PCDHA11: variants seen among roughly 807,000 people sequenced by gnomAD.
PCDHA11 encodes protocadherin alpha 11, also known as protocadherin alpha-11.
Under a neutral mutation model 70.3 loss-of-function variants are expected in PCDHA11, and 61 were observed. That is an observed-to-expected ratio of 0.87 (90% CI 0.71 to 1.07). PCDHA11 has a LOEUF of 1.07. PCDHA11 is among the 50% of genes least tolerant of loss of function. The pLI is 0.00. For missense variants in PCDHA11, 1,324 were observed against 1,237.5 expected (o/e 1.07, Z -1.05); for synonymous variants, 633 against 555.1 (o/e 1.14, Z -1.97).
intron 1 of PCDHA11, among the ~76,000 whole-genome samples, chr5:140,878,873 T>A (rs1267188729): frequency 1.3e-5 from 2 of 152,248 alleles, no homozygotes; most frequent in African/African-American, 2.4e-5. Flanking sequence ...CATTTCAGCC[T>A]TTCAAGTAGC....
intron 1 of PCDHA11, chr5:140,882,426 G>A (rs148335988): frequency 6.1e-5 from 99 of 1,613,954 alleles, no homozygotes; most frequent in Non-Finnish European, 7.9e-5. Context: ...CAGGACCTGG[G>A]GCTGGAGCTG....
chr5:140,882,572 T>C, intron 1 of PCDHA11: 1 of 1,614,106 alleles, frequency 6.2e-7, no homozygotes, highest in Non-Finnish European at 8.5e-7. Flanking sequence ...GAGCGCGGAG[T>C]GCAGCATCCA....
At chr5:140,883,237 T>C in intron 1 of PCDHA11, 2 of 1,614,044 alleles carry the variant, frequency 1.2e-6, no homozygotes, top group Non-Finnish European at 1.7e-6. Context: ...TGGAGGCAGT[T>C]GACAAAGGAA....
intron 1 of PCDHA11, chr5:140,875,581 G>A (rs1158750138): frequency 6.8e-6 from 11 of 1,613,944 alleles, no homozygotes; most frequent in African/African-American, 4.0e-5. Context: ...CTCCGTCTAC[G>A]AGGAGGCCAA....
At chr5:140,954,476 G>C (rs1467215585) in intron 1 of PCDHA11, among the ~76,000 whole-genome samples, 1 of 152,192 alleles carries the variant, frequency 6.6e-6, no homozygotes, top group Non-Finnish European at 1.5e-5. Context: ...ACTGGTGTGA[G>C]AAGATATTTC....
At chr5:140,980,704 G>T (rs2153822525) in intron 2 of PCDHA11, among the ~76,000 whole-genome samples, 1 of 151,890 alleles carries the variant, frequency 6.6e-6, no homozygotes, top group East Asian at 1.9e-4. Context: ...AGCCAAATGT[G>T]CTCCTATTCG....
At chr5:141,007,716 G>A (rs887681362) in intron 3 of PCDHA11, among the ~76,000 whole-genome samples, 4 of 152,246 alleles carry the variant, frequency 2.6e-5, no homozygotes, top group African/African-American at 4.8e-5. Context: ...CCCACCACCA[G>A]GGAGAACAAA....
chr5:141,003,240 C>T (rs1563674729), intron 3 of PCDHA11, among the ~76,000 whole-genome samples: 2 of 152,150 alleles, frequency 1.3e-5, no homozygotes, highest in South Asian at 4.1e-4. Context: ...GAAATTTTGC[C>T]AAAAAGATTC....
chr5:140,892,595 AT>A (rs1385818954), intron 1 of PCDHA11, among the ~76,000 whole-genome samples: 1 of 151,958 alleles, frequency 6.6e-6, no homozygotes, highest in African/African-American at 2.4e-5. Flanking sequence ...TCATTCACCT[AT>A]TTTTTTCCTT....
intron 1 of PCDHA11, chr5:140,930,201 A>G (rs1185112868): frequency 6.6e-6 from 1 of 152,178 alleles, no homozygotes; most frequent in Non-Finnish European, 1.5e-5. Flanking sequence ...TTATGTCAGA[A>G]ATATTTATGT....
Position 140,929,404 on chromosome 5 carries a change from G to A in PCDHA11, c.2392-49545G>A, listed in dbSNP as rs530409256. 1.4e-5 allele frequency: 21 copies of A among 1,506,596 alleles called. No individual in the cohort carries two copies. The South Asian group carries it at 1.9e-4, about 14-fold the overall frequency. The allele number at this position is 1,506,596 out of a possible 1,614,324, so 93.3% of individuals were successfully genotyped here. A position where few individuals can be genotyped will look rare whatever the true frequency, so the allele number is the denominator to read the frequency against. ...GTGTTTTGAAATATTTCTTAGACAAGCCTTTCACAACATTTCATCAATTGA... is the reference window on the plus strand; with the variant it reads ...GTGTTTTGAAATATTTCTTAGACAAACCTTTCACAACATTTCATCAATTGA... On this transcript the variant is annotated intron_variant, in intron 1 of 3. Coordinates refer to ENST00000398640, the MANE Select transcript of PCDHA11 (RefSeq NM_018902.5).
chr5:140,876,716 G>C lies in PCDHA11; in HGVS notation c.2391+5222G>C, dbSNP rs374218090. On this transcript the variant is annotated intron_variant, in intron 1 of 3. Coordinates refer to ENST00000398640, the MANE Select transcript of PCDHA11 (RefSeq NM_018902.5). ...TTGGTGCTGGACAGCGCCCTGGACC[G>C]CGAGAGCGTGTCGGCCTATGAGCTG... 135 of 1,614,132 alleles carry C rather than the reference G, an allele frequency of 8.4e-5. No homozygotes were observed. In the Middle Eastern group the frequency reaches 2.5e-3, roughly 29 times the overall value.
At chr5:140,970,408 A>G (rs1292683019) in intron 1 of PCDHA11, among the ~76,000 whole-genome samples, 1 of 152,202 alleles carries the variant, frequency 6.6e-6, no homozygotes, top group Admixed American at 6.5e-5. Context: ...GGCTTACCCT[A>G]CAGTAAGGTG....
intron 3 of PCDHA11, among the ~76,000 whole-genome samples, chr5:141,006,429 G>A (rs541690957): frequency 1.3e-5 from 2 of 152,004 alleles, no homozygotes; most frequent in South Asian, 4.2e-4. Context: ...TAGCCAGGAT[G>A]GTCTCAATCT....
chr5:141,000,593 A>G (rs1021263998), intron 3 of PCDHA11, among the ~76,000 whole-genome samples: 3 of 150,498 alleles, frequency 2.0e-5, no homozygotes, highest in African/African-American at 4.9e-5. Flanking sequence ...ATGCCCAGCT[A>G]ATTTTTGTAT....
chr5:140,950,323 A>G (rs1400315467), intron 1 of PCDHA11, among the ~76,000 whole-genome samples: 1 of 152,046 alleles, frequency 6.6e-6, no homozygotes, highest in Non-Finnish European at 1.5e-5. Context: ...TAATGCATAT[A>G]TGCTGCAGTG....
chr5:140,943,491 G>A (rs1387185924), intron 1 of PCDHA11, among the ~76,000 whole-genome samples: 4 of 151,986 alleles, frequency 2.6e-5, no homozygotes, highest in Non-Finnish European at 5.9e-5. Context: ...ATAAATAGAT[G>A]CTATCAAGGT....
In PCDHA11 at chr5:140,943,140, C is replaced by CCCAGCTA. The variant is rs377502817; in HGVS notation, c.2392-35807_2392-35801dup. 5.8e-3 allele frequency among the ~76,000 whole-genome samples: 878 copies of CCCAGCTA among 151,552 alleles called. 7 individuals are homozygous for CCCAGCTA. The highest frequency in any genetic ancestry group is 0.021 in the African/African-American group (851 of 41,302). On this transcript the variant is annotated intron_variant, in intron 1 of 3. Transcript: ENST00000398640. ...AGGTGTGGTAGTGGGTGCCTGTAGT[C>CCCAGCTA]CCAGCTACTCTGGAGGCTGAGGCAG...
At chr5:140,955,183 G>A (rs556157825) in intron 1 of PCDHA11, among the ~76,000 whole-genome samples, 1 of 152,122 alleles carries the variant, frequency 6.6e-6, no homozygotes, top group South Asian at 2.1e-4. Flanking sequence ...GTAGTTTTGT[G>A]GTGTATATGA....
Sources: allele counts gnomAD v4.1 joint callset (sites outside exome capture counted in the v4.1 genomes callset), GRCh38; gene constraint gnomAD v4.1.1; transcripts MANE v1.5; gene names NCBI Gene and HGNC (gene_info 2026-07-23, HGNC 2026-07-21).